The following CNTNAP2 variants were observed in gnomAD, a reference collection of about 807,000 sequenced individuals.
CNTNAP2 encodes the protein contactin-associated protein-like 2.
In CNTNAP2, 98 loss-of-function variants were observed where a neutral mutation model predicts 155.2. That is an observed-to-expected ratio of 0.63 (90% CI 0.54 to 0.75). The LOEUF is 0.75. CNTNAP2 is among the 30% of genes least tolerant of loss of function. CNTNAP2 has a pLI of 0.00. For synonymous variants in CNTNAP2, 651 were observed against 631.2 expected (o/e 1.03, Z -0.47); for missense variants, 1,727 against 1,688.1 (o/e 1.02, Z -0.40).
intron 14 of CNTNAP2, among the ~76,000 whole-genome samples, chr7:147,928,958 G>A (rs1278378545): frequency 6.6e-6 from 1 of 151,696 alleles, no homozygotes; most frequent in Non-Finnish European, 1.5e-5. Context: ...TGGGTGTGGT[G>A]GCACACACCT....
chr7:148,150,148 C>T (rs1283712958), intron 17 of CNTNAP2, among the ~76,000 whole-genome samples: 2 of 148,048 alleles, frequency 1.4e-5, no homozygotes, highest in African/African-American at 2.5e-5. Flanking sequence ...CACGGTGGCT[C>T]ACGCCTATAA....
chr7:147,709,653 A>C (rs1231861687), intron 13 of CNTNAP2, among the ~76,000 whole-genome samples: 1 of 152,182 alleles, frequency 6.6e-6, no homozygotes, highest in African/African-American at 2.4e-5. Flanking sequence ...CATACCGAGC[A>C]GCCTTGTTTT....
At chr7:147,446,355 G>T (rs1036874071) in intron 10 of CNTNAP2, among the ~76,000 whole-genome samples, 1 of 152,084 alleles carries the variant, frequency 6.6e-6, no homozygotes, top group Admixed American at 6.6e-5. Context: ...AATGAAATAG[G>T]ATCAATTTCT....
intron 1 of CNTNAP2, among the ~76,000 whole-genome samples, chr7:146,705,022 G>A (rs983055703): frequency 1.3e-5 from 2 of 152,126 alleles, no homozygotes; most frequent in Non-Finnish European, 2.9e-5. Context: ...GAGAGAAGCG[G>A]CCTCTTTGCT....
At chr7:146,651,384 AAT>A (rs1288410198) in intron 1 of CNTNAP2, among the ~76,000 whole-genome samples, 2 of 152,164 alleles carry the variant, frequency 1.3e-5, no homozygotes, top group Non-Finnish European at 2.9e-5. Flanking sequence ...CCTTGTTAGT[AAT>A]TAGGACAACC....
chr7:146,588,520 T>G (rs201272189), intron 1 of CNTNAP2, among the ~76,000 whole-genome samples: 1 of 20,982 alleles, frequency 4.8e-5, no homozygotes, highest in Non-Finnish European at 9.5e-5. Flanking sequence ...TTATATGTAT[T>G]TTTTTTTTTT....
chr7:146,184,817 A>G (rs1798599676), intron 1 of CNTNAP2, among the ~76,000 whole-genome samples: 1 of 152,206 alleles, frequency 6.6e-6, no homozygotes. Flanking sequence ...GTGATTGAGC[A>G]TTTATGTAAA....
At chr7:147,676,040 G>A (rs376416693) in intron 13 of CNTNAP2, among the ~76,000 whole-genome samples, 4 of 152,176 alleles carry the variant, frequency 2.6e-5, no homozygotes, top group African/African-American at 9.6e-5. Context: ...AATGGCCATT[G>A]TTAATTTATT....
chr7:146,746,751 G>T (rs1478248199), intron 1 of CNTNAP2, among the ~76,000 whole-genome samples: 2 of 152,052 alleles, frequency 1.3e-5, no homozygotes, highest in African/African-American at 2.4e-5. Flanking sequence ...CTTACCATTA[G>T]ATCAAAAGCA....
chr7:146,183,584 T>C (rs115561950), intron 1 of CNTNAP2, among the ~76,000 whole-genome samples: 2,310 of 149,396 alleles, frequency 0.015, 51 homozygotes, highest in African/African-American at 0.054. Flanking sequence ...GTCAGCACCA[T>C]CAGGAGAATT....
intron 1 of CNTNAP2, among the ~76,000 whole-genome samples, chr7:146,407,661 C>T (rs1175011983): frequency 6.6e-6 from 1 of 152,128 alleles, no homozygotes; most frequent in African/African-American, 2.4e-5. Flanking sequence ...ACTGCCATTT[C>T]CCCAGAAGCT....
chr7:147,497,949 C>T (rs1253180192), intron 11 of CNTNAP2, among the ~76,000 whole-genome samples: 4 of 152,140 alleles, frequency 2.6e-5, no homozygotes, highest in Non-Finnish European at 5.9e-5. Context: ...AGCAAAATAA[C>T]ATTTTCTGGA....
intron 1 of CNTNAP2, among the ~76,000 whole-genome samples, chr7:146,192,451 C>T (rs370872363): frequency 3.9e-5 from 6 of 152,080 alleles, no homozygotes; most frequent in Non-Finnish European, 5.9e-5. Flanking sequence ...TCAGCATGGA[C>T]GGGGAGGCCT....
At chr7:146,425,805 G>C (rs1481148687) in intron 1 of CNTNAP2, among the ~76,000 whole-genome samples, 8 of 151,980 alleles carry the variant, frequency 5.3e-5, no homozygotes, top group Non-Finnish European at 8.8e-5. Context: ...TTATTATTAT[G>C]ATTATTGTCT....
chr7:147,299,871 T>A (rs560363728), intron 8 of CNTNAP2, among the ~76,000 whole-genome samples: 48 of 152,278 alleles, frequency 3.2e-4, no homozygotes, highest in African/African-American at 1.1e-3. Flanking sequence ...TGACTTTTTT[T>A]CAATCCATTT....
At chr7:146,571,487 T>G (rs1798438758) in intron 1 of CNTNAP2, among the ~76,000 whole-genome samples, 1 of 152,108 alleles carries the variant, frequency 6.6e-6, no homozygotes, top group South Asian at 2.1e-4. Context: ...AAAATTACCT[T>G]GCATATCATT....
chr7:147,260,658 C>A (rs1005200323), intron 8 of CNTNAP2, among the ~76,000 whole-genome samples: 6 of 152,092 alleles, frequency 3.9e-5, no homozygotes, highest in Admixed American at 3.9e-4. Context: ...ATATGGAATT[C>A]TGTGAGAAGA....
intron 1 of CNTNAP2, among the ~76,000 whole-genome samples, chr7:146,157,724 C>A: frequency 6.6e-6 from 1 of 152,140 alleles, no homozygotes; most frequent in East Asian, 1.9e-4. Flanking sequence ...AGTAGGTAAA[C>A]AAAGTGGCCA....
chr7:147,877,855 A>C (rs1233714110), intron 13 of CNTNAP2, among the ~76,000 whole-genome samples: 5 of 152,206 alleles, frequency 3.3e-5, no homozygotes. Flanking sequence ...CTAATCTTTA[A>C]AAGATATTAA....
Sources: allele counts gnomAD v4.1 joint callset (sites outside exome capture counted in the v4.1 genomes callset), GRCh38; gene constraint gnomAD v4.1.1; transcripts MANE v1.5; gene names NCBI Gene and HGNC (gene_info 2026-07-23, HGNC 2026-07-21).